Variants in LRMDA observed in about 807,000 individuals in gnomAD.
The protein encoded by LRMDA is leucine-rich melanocyte differentiation-associated protein.
In LRMDA, 18 loss-of-function variants were observed where a neutral mutation model predicts 29.8. That is an observed-to-expected ratio of 0.60 (90% CI 0.42 to 0.90). The LOEUF (loss-of-function observed/expected upper bound fraction) is 0.90. Ranked by LOEUF, LRMDA falls within the 40% of genes least tolerant of loss-of-function variation. LRMDA has a pLI of 0.00. For missense variants in LRMDA, 273 were observed against 273.9 expected (o/e 1.00, Z 0.02); for synonymous variants, 125 against 109.4 (o/e 1.14, Z -0.89).
chr10:76,377,558 TG>T (rs573045528), intron 6 of LRMDA, among the ~76,000 whole-genome samples: 50 of 152,288 alleles, frequency 3.3e-4, no homozygotes, highest in Middle Eastern at 3.4e-3. Flanking sequence ...TTTTTGTATC[TG>T]GTGAGACATA....
chr10:75,710,747 C>T (rs1045942627), intron 2 of LRMDA, among the ~76,000 whole-genome samples: 5 of 152,196 alleles, frequency 3.3e-5, no homozygotes, highest in African/African-American at 9.6e-5. Context: ...AAGACTGAAA[C>T]GCAGGGAGGT....
chr10:76,186,831 T>G (rs1008136824), intron 5 of LRMDA, among the ~76,000 whole-genome samples: 2 of 152,242 alleles, frequency 1.3e-5, no homozygotes, highest in Non-Finnish European at 2.9e-5. Context: ...TCTGCTGGTT[T>G]GTAAAATTTG....
At chr10:76,383,978 TTC>T (rs1841628701) in intron 6 of LRMDA, among the ~76,000 whole-genome samples, 1 of 152,104 alleles carries the variant, frequency 6.6e-6, no homozygotes, top group Non-Finnish European at 1.5e-5. Context: ...TCTCTCTCTC[TTC>T]TCTTTCTCTC....
At chr10:76,235,425 A>G (rs1852134156) in intron 5 of LRMDA, among the ~76,000 whole-genome samples, 1 of 152,178 alleles carries the variant, frequency 6.6e-6, no homozygotes. Context: ...ATGCTGTGGG[A>G]AAAATGGTGT....
At chr10:75,981,843 T>C (rs1251844393) in intron 2 of LRMDA, among the ~76,000 whole-genome samples, 3 of 76,638 alleles carry the variant, frequency 3.9e-5, no homozygotes, top group Admixed American at 1.7e-4. Flanking sequence ...AGAGCAAGAC[T>C]CCATCTCAAA....
chr10:75,612,991 G>A (rs1191956900), intron 2 of LRMDA, among the ~76,000 whole-genome samples: 12 of 152,150 alleles, frequency 7.9e-5, no homozygotes, highest in African/African-American at 1.9e-4. Context: ...TTACTCAAAC[G>A]TATGCTATTG....
chr10:75,596,097 T>C (rs1224443263), intron 2 of LRMDA, among the ~76,000 whole-genome samples: 1 of 152,216 alleles, frequency 6.6e-6, no homozygotes, highest in African/African-American at 2.4e-5. Context: ...TGTGAATGAA[T>C]AAATGAAGAT....
At chr10:76,213,724 T>C (rs531195717) in intron 5 of LRMDA, among the ~76,000 whole-genome samples, 61 of 152,340 alleles carry the variant, frequency 4.0e-4, no homozygotes, top group African/African-American at 1.4e-3. Flanking sequence ...TTAAAGAGCA[T>C]TGGAAATAGT....
intron 6 of LRMDA, among the ~76,000 whole-genome samples, chr10:76,551,882 G>C (rs183196633): frequency 7.8e-4 from 119 of 152,224 alleles, no homozygotes; most frequent in African/African-American, 2.7e-3. Context: ...CCTTTTGCAG[G>C]GGTCAGGAGG....
chr10:75,964,454 A>G (rs1846821760), intron 2 of LRMDA, among the ~76,000 whole-genome samples: 5 of 152,230 alleles, frequency 3.3e-5, no homozygotes, highest in Admixed American at 3.3e-4. Flanking sequence ...CTGTCTTTAT[A>G]TCAATATGAG....
chr10:76,177,655 T>C (rs1438840218), intron 5 of LRMDA, among the ~76,000 whole-genome samples: 3 of 152,210 alleles, frequency 2.0e-5, no homozygotes, highest in Non-Finnish European at 4.4e-5. Context: ...CTTATTTTAA[T>C]ATTGGCTGGA....
At chr10:75,446,232 A>G (rs1344742284) in intron 2 of LRMDA, among the ~76,000 whole-genome samples, 1 of 152,184 alleles carries the variant, frequency 6.6e-6, no homozygotes, top group Non-Finnish European at 1.5e-5. Flanking sequence ...CCTGGCTTGA[A>G]ACCCTGCTTC....
At chr10:75,758,250 G>A (rs1288533663) in intron 2 of LRMDA, among the ~76,000 whole-genome samples, 1 of 152,192 alleles carries the variant, frequency 6.6e-6, no homozygotes, top group African/African-American at 2.4e-5. Context: ...GTGTGCTCCC[G>A]CCCTCTCAGG....
chr10:75,568,646 G>A (rs897583764), intron 2 of LRMDA, among the ~76,000 whole-genome samples: 4 of 152,170 alleles, frequency 2.6e-5, no homozygotes, highest in Admixed American at 1.3e-4. Flanking sequence ...TGAAGAGGAG[G>A]GAGAAGTAGG....
At chr10:75,489,206 C>T (rs1231735333) in intron 2 of LRMDA, among the ~76,000 whole-genome samples, 1 of 134,778 alleles carries the variant, frequency 7.4e-6, no homozygotes, top group Non-Finnish European at 1.6e-5. Context: ...AAAACTATGT[C>T]AACCCCCTTG....
intron 6 of LRMDA, among the ~76,000 whole-genome samples, chr10:76,340,245 G>A (rs540868139): frequency 1.3e-5 from 2 of 152,198 alleles, no homozygotes; most frequent in African/African-American, 2.4e-5. Context: ...GCCAGGCATG[G>A]TGGCTCACGC....
chr10:76,387,636 T>C (rs1314703108), intron 6 of LRMDA, among the ~76,000 whole-genome samples: 4 of 151,860 alleles, frequency 2.6e-5, no homozygotes, highest in African/African-American at 7.3e-5. Context: ...CAGATGATCA[T>C]ATATTATTTA....
At chr10:76,232,630 G>A (rs1852079064) in intron 5 of LRMDA, among the ~76,000 whole-genome samples, 1 of 152,224 alleles carries the variant, frequency 6.6e-6, no homozygotes, top group African/African-American at 2.4e-5. Flanking sequence ...AGCTGCTGCA[G>A]GAGATGGCCT....
At chr10:76,540,905 A>T (rs1843346337) in intron 6 of LRMDA, among the ~76,000 whole-genome samples, 1 of 152,184 alleles carries the variant, frequency 6.6e-6, no homozygotes, top group African/African-American at 2.4e-5. Context: ...ACTTGCAGAA[A>T]AATTACTTGT....
Sources: allele counts gnomAD v4.1 joint callset (sites outside exome capture counted in the v4.1 genomes callset), GRCh38; gene constraint gnomAD v4.1.1; transcripts MANE v1.5; gene names NCBI Gene and HGNC (gene_info 2026-07-23, HGNC 2026-07-21).